BICD1: variants seen among roughly 807,000 people sequenced by gnomAD.
BICD1 encodes the protein BICD cargo adaptor 1.
A neutral mutation model predicts 92.5 loss-of-function variants in BICD1; 35 were observed. That is an observed-to-expected ratio of 0.38 (90% CI 0.29 to 0.50). The LOEUF (loss-of-function observed/expected upper bound fraction) is 0.50, where lower values mean the gene tolerates loss of function less well. Among genes scored for constraint, BICD1 ranks in the 20% least tolerant of loss-of-function variants. The probability of loss-of-function intolerance (pLI) is 0.93; values close to 1 mark genes in which losing one functional copy is unlikely to be tolerated. For synonymous variants in BICD1, 429 were observed against 465.1 expected, an observed-to-expected ratio of 0.92 and a Z score of 1.00; for missense variants, 950 against 1,189.8, an observed-to-expected ratio of 0.80 and a Z score of 2.97.
rs116633140 is a variant in BICD1, at chr12:32,249,395, A to G, written c.426+32936A>G. Reference sequence around the variant, plus strand: ...ACCACTATACTGTCATTAATAATGGATAAATGTACTTCAAAGTAATTTATT... The same window carrying G: ...ACCACTATACTGTCATTAATAATGGGTAAATGTACTTCAAAGTAATTTATT... On this transcript the variant is annotated intron_variant, in intron 2 of 9. Transcript: ENST00000652176. 4.5e-3 allele frequency among the ~76,000 whole-genome samples: 684 copies of G among 152,298 alleles called. 3 individuals are homozygous for G. Among genetic ancestry groups the G allele is most frequent in the African/African-American group, 0.016 (656 of 41,548 alleles).
At chr12:32,199,362 A>G (rs1944835345) in intron 1 of BICD1, among the ~76,000 whole-genome samples, 1 of 152,146 alleles carries the variant, frequency 6.6e-6, no homozygotes, top group Non-Finnish European at 1.5e-5. Context: ...GTTTTCTCCC[A>G]TCCTTGGTGC....
chr12:32,167,605 G>T (rs1275089276), intron 1 of BICD1, among the ~76,000 whole-genome samples: 1 of 152,150 alleles, frequency 6.6e-6, no homozygotes, highest in African/African-American at 2.4e-5. Context: ...ACAGGCGCAT[G>T]CCACCATGCC....
chr12:32,279,373 A>G (rs1178522142), intron 2 of BICD1, among the ~76,000 whole-genome samples: 1 of 152,252 alleles, frequency 6.6e-6, no homozygotes, highest in Admixed American at 6.5e-5. Flanking sequence ...AGAATTGTAA[A>G]TATATGAGTT....
At chr12:32,152,388 A>G (rs1043560728) in intron 1 of BICD1, among the ~76,000 whole-genome samples, 1 of 151,880 alleles carries the variant, frequency 6.6e-6, no homozygotes, top group Non-Finnish European at 1.5e-5. Context: ...ACCTAGGGCT[A>G]CAGGTGCATG....
intron 1 of BICD1, among the ~76,000 whole-genome samples, chr12:32,158,191 C>T (rs1036695512): frequency 1.3e-5 from 2 of 151,328 alleles, no homozygotes; most frequent in Admixed American, 6.6e-5. Context: ...CTGCAACCTC[C>T]GCCTCCCGGG....
At chr12:32,164,304 A>AT (rs1231854955) in intron 1 of BICD1, among the ~76,000 whole-genome samples, 1 of 152,278 alleles carries the variant, frequency 6.6e-6, no homozygotes, top group Admixed American at 6.5e-5. Flanking sequence ...TTATTGTTAT[A>AT]TTTTTTAAGG....
At chr12:32,142,263 A>G (rs2668296) in intron 1 of BICD1, among the ~76,000 whole-genome samples, 44,302 of 151,570 alleles carry the variant, frequency 0.29, 6,819 homozygotes, top group African/African-American at 0.38. Flanking sequence ...AAAATTAGCC[A>G]GGTGTGGTGG....
chr12:32,272,478 A>G (rs1192980590), intron 2 of BICD1, among the ~76,000 whole-genome samples: 1 of 152,198 alleles, frequency 6.6e-6, no homozygotes, highest in African/African-American at 2.4e-5. Flanking sequence ...AATTTACTTA[A>G]TCTAAATGGG....
intron 2 of BICD1, among the ~76,000 whole-genome samples, chr12:32,290,690 A>C (rs1180475893): frequency 1.3e-5 from 2 of 152,194 alleles, no homozygotes; most frequent in South Asian, 2.1e-4. Context: ...TTGATGTCTA[A>C]GTCCTTGGAC....
chr12:32,159,208 C>T (rs1430144521), intron 1 of BICD1, among the ~76,000 whole-genome samples: 2 of 152,170 alleles, frequency 1.3e-5, no homozygotes, highest in African/African-American at 4.8e-5. Flanking sequence ...TGCTGATTTA[C>T]AGGCGTGAGC....
At chr12:32,244,965 C>A (rs1946335763) in intron 2 of BICD1, among the ~76,000 whole-genome samples, 1 of 152,016 alleles carries the variant, frequency 6.6e-6, no homozygotes, top group African/African-American at 2.4e-5. Flanking sequence ...TCTTCTGAAC[C>A]ATATAATATG....
intron 1 of BICD1, among the ~76,000 whole-genome samples, chr12:32,162,300 A>G (rs930326798): frequency 6.6e-6 from 1 of 152,246 alleles, no homozygotes; most frequent in African/African-American, 2.4e-5. Context: ...TTGAGTGCCA[A>G]TCTACTGTAT....
chr12:32,144,618 T>C (rs2121394033), intron 1 of BICD1, among the ~76,000 whole-genome samples: 1 of 152,360 alleles, frequency 6.6e-6, no homozygotes, highest in South Asian at 2.1e-4. Context: ...CTATTCCACT[T>C]ATAGTAACAG....
At chr12:32,193,119 G>A (rs975471958) in intron 1 of BICD1, among the ~76,000 whole-genome samples, 1 of 152,182 alleles carries the variant, frequency 6.6e-6, no homozygotes, top group African/African-American at 2.4e-5. Context: ...CTGCCAGACA[G>A]TATTGCCTAT....
At chr12:32,295,956 A>T (rs948256413) in intron 3 of BICD1, among the ~76,000 whole-genome samples, 9 of 151,784 alleles carry the variant, frequency 5.9e-5, no homozygotes, top group African/African-American at 1.7e-4. Flanking sequence ...TCTGGCCAAA[A>T]TTTGATTTCT....
intron 1 of BICD1, among the ~76,000 whole-genome samples, chr12:32,117,705 T>TACACACACACACACAC (rs1187433090): frequency 5.6e-3 from 471 of 84,522 alleles, no homozygotes; most frequent in East Asian, 0.019. Context: ...TATACACAAA[T>TACACACACACACACAC]ATATATACAC....
chr12:32,311,448 G>A (rs261899), intron 4 of BICD1, among the ~76,000 whole-genome samples: 76,941 of 151,914 alleles, frequency 0.51, 20,001 homozygotes, highest in Middle Eastern at 0.58. Context: ...GCAGTGAGCC[G>A]AGATCGCGCC....
chr12:32,324,780 A>G (rs1205884935), intron 4 of BICD1, among the ~76,000 whole-genome samples: 1 of 151,948 alleles, frequency 6.6e-6, no homozygotes, highest in Non-Finnish European at 1.5e-5. Context: ...GGGTTTCACC[A>G]TCTTGGCCAG....
chr12:32,124,322 G>T (rs953562136), intron 1 of BICD1, among the ~76,000 whole-genome samples: 1 of 152,178 alleles, frequency 6.6e-6, no homozygotes, highest in African/African-American at 2.4e-5. Flanking sequence ...TAAATGAATT[G>T]TGATATTTTA....
Sources: allele counts gnomAD v4.1 joint callset (sites outside exome capture counted in the v4.1 genomes callset), GRCh38; gene constraint gnomAD v4.1.1; transcripts MANE v1.5; gene names NCBI Gene and HGNC (gene_info 2026-07-23, HGNC 2026-07-21).